The following RBFOX1 variants were observed in gnomAD, a reference collection of about 807,000 sequenced individuals.
The protein encoded by RBFOX1 is RNA binding protein fox-1 homolog 1.
Under a neutral mutation model 57.7 loss-of-function variants are expected in RBFOX1, and 8 were observed. The observed-to-expected ratio is 0.14, with a 90% CI of 0.08 to 0.25. The LOEUF (loss-of-function observed/expected upper bound fraction) is 0.25, where lower values mean the gene tolerates loss of function less well. Among genes scored for constraint, RBFOX1 ranks in the 10% least tolerant of loss-of-function variants. The pLI is 1.00. For synonymous variants in RBFOX1, 326 were observed against 222.4 expected (o/e 1.47, Z -4.15); for missense variants, 611 against 548.5 (o/e 1.11, Z -1.14).
At chr16:6,799,344 A>G (rs1396245875) in intron 3 of RBFOX1, among the ~76,000 whole-genome samples, 1 of 152,144 alleles carries the variant, frequency 6.6e-6, no homozygotes, top group Non-Finnish European at 1.5e-5. Context: ...TTGGTGCAAA[A>G]GTAATGGCAG....
At chr16:6,951,161 C>T (rs947562635) in intron 3 of RBFOX1, among the ~76,000 whole-genome samples, 2 of 152,142 alleles carry the variant, frequency 1.3e-5, no homozygotes, top group Non-Finnish European at 2.9e-5. Flanking sequence ...CCAGCATCAG[C>T]TTCCCAAAGT....
At chr16:6,315,696 A>C (rs1313715800) in intron 1 of RBFOX1, among the ~76,000 whole-genome samples, 2 of 152,202 alleles carry the variant, frequency 1.3e-5, no homozygotes, top group Admixed American at 6.5e-5. Context: ...TCAAAATGCA[A>C]AGCAAAAGGC....
At chr16:7,554,740 ACT>A (rs886347074) in intron 5 of RBFOX1, among the ~76,000 whole-genome samples, 6 of 151,810 alleles carry the variant, frequency 4.0e-5, no homozygotes, top group African/African-American at 1.5e-4. Flanking sequence ...AGTGCTGTGC[ACT>A]CTTTTTTTCT....
chr16:6,196,746 A>G (rs937913234), intron 1 of RBFOX1, among the ~76,000 whole-genome samples: 1 of 151,888 alleles, frequency 6.6e-6, no homozygotes, highest in East Asian at 1.9e-4. Flanking sequence ...TACAAGCGAT[A>G]TAAATGGGGC....
chr16:6,905,755 G>C (rs1325629370), intron 3 of RBFOX1, among the ~76,000 whole-genome samples: 1 of 152,186 alleles, frequency 6.6e-6, no homozygotes, highest in African/African-American at 2.4e-5. Context: ...GCATGCCATG[G>C]ATGGAAATGG....
At chr16:6,587,441 C>A (rs1270925616) in intron 2 of RBFOX1, among the ~76,000 whole-genome samples, 1 of 152,090 alleles carries the variant, frequency 6.6e-6, no homozygotes, top group Non-Finnish European at 1.5e-5. Flanking sequence ...ACCACCATGC[C>A]TGGCTAATTT....
At position 6,769,187 on chromosome 16, in the gene RBFOX1, C is replaced by G. The variant is rs370691525; in HGVS notation, c.-16+114537C>G. 2.0e-5 allele frequency among the ~76,000 whole-genome samples: 3 copies of G among 152,184 alleles called. No individual in the cohort carries two copies. The East Asian group carries it at 5.8e-4, about 29-fold the overall frequency. On this transcript the variant is annotated intron_variant, in intron 3 of 15. Coordinates refer to ENST00000550418, the MANE Select transcript of RBFOX1 (RefSeq NM_018723.4). ...GCTGTTCTCATGATAGTGCATAAGC[C>G]TCATGAGATCCGATGGTTTTATAAA...
At chr16:7,398,432 C>G (rs565800286) in intron 4 of RBFOX1, among the ~76,000 whole-genome samples, 1 of 152,256 alleles carries the variant, frequency 6.6e-6, no homozygotes, top group African/African-American at 2.4e-5. Flanking sequence ...TAAAGAATCT[C>G]AATATATGGT....
At chr16:6,713,087 C>T (rs183855529) in intron 3 of RBFOX1, among the ~76,000 whole-genome samples, 3 of 151,898 alleles carry the variant, frequency 2.0e-5, no homozygotes, top group African/African-American at 7.3e-5. Context: ...GTCTATTAAA[C>T]CTCCTTTCCT....
At chr16:7,534,233 C>A (rs1238005734) in intron 5 of RBFOX1, among the ~76,000 whole-genome samples, 1 of 151,648 alleles carries the variant, frequency 6.6e-6, no homozygotes, top group East Asian at 1.9e-4. Context: ...ATTACAGGCA[C>A]CCATCACCAC....
intron 3 of RBFOX1, among the ~76,000 whole-genome samples, chr16:5,744,389 G>A (rs568349105): frequency 4.6e-5 from 7 of 152,188 alleles, no homozygotes; most frequent in Admixed American, 2.6e-4. Context: ...TGAAATCAGG[G>A]ACAAAGTAAC....
rs555522470 is a variant in RBFOX1 at position 5,847,347 on chromosome 16, C to T, written c.319-19956C>T. ...ATAAGAACTTCTTAGCCTCAGTTTC[C>T]TTATCTGAAAAAAAAAATGGGGGTG... is the stretch of plus-strand genomic sequence containing the variant. On this transcript the variant is annotated intron_variant, in intron 3 of 19. Transcript: ENST00000641259. Among the ~76,000 whole-genome samples, 10 of 143,586 alleles carry T rather than the reference C, an allele frequency of 7.0e-5. No homozygotes were observed. The East Asian group carries it at 2.0e-3, about 29-fold the overall frequency. 94.2% of individuals were successfully genotyped at this position (143,586 alleles called of 152,430 possible).
chr16:7,104,860 C>G (rs1445137817), intron 4 of RBFOX1, among the ~76,000 whole-genome samples: 1 of 152,108 alleles, frequency 6.6e-6, no homozygotes, highest in Non-Finnish European at 1.5e-5. Context: ...CACTGGTGTA[C>G]AAAACAGAAA....
At chr16:6,677,092 A>T (rs1038475865) in intron 3 of RBFOX1, among the ~76,000 whole-genome samples, 6 of 152,264 alleles carry the variant, frequency 3.9e-5, no homozygotes, top group Non-Finnish European at 8.8e-5. Flanking sequence ...TACAAGCATG[A>T]TTCATTTAAT....
chr16:5,512,219 C>T (rs2043620256), intron 2 of RBFOX1, among the ~76,000 whole-genome samples: 1 of 152,156 alleles, frequency 6.6e-6, no homozygotes, highest in African/African-American at 2.4e-5. Flanking sequence ...GAGAGGCACA[C>T]AGTGCAGCTG....
chr16:7,605,481 A>G (rs1008881650), intron 9 of RBFOX1, among the ~76,000 whole-genome samples: 55 of 152,312 alleles, frequency 3.6e-4, no homozygotes, highest in African/African-American at 1.3e-3. Context: ...CGGGGGCTGT[A>G]AACCACCTAG....
At chr16:6,455,009 A>G (rs1567314175) in intron 2 of RBFOX1, among the ~76,000 whole-genome samples, 1 of 148,820 alleles carries the variant, frequency 6.7e-6, no homozygotes, top group African/African-American at 2.5e-5. Context: ...CAGCCTCCCA[A>G]GTAGCTGGGA....
In RBFOX1 at chr16:5,535,815, G is replaced by A. The variant is rs556984871; in HGVS notation, c.259-63087G>A. Among the ~76,000 whole-genome samples, 11 of 152,242 alleles carry A rather than the reference G, an allele frequency of 7.2e-5. No homozygotes were observed. The South Asian group carries it at 8.3e-4, about 11-fold the overall frequency. Reference sequence around the variant, plus strand: ...TATGTCACCAGGTTTCACCACATTCGACAAAAGACTTGTCGACAGACATTT... The same window carrying A: ...TATGTCACCAGGTTTCACCACATTCAACAAAAGACTTGTCGACAGACATTT... On this transcript the variant is annotated intron_variant, in intron 2 of 2. Coordinates refer to the RBFOX1 transcript ENST00000585867.
Position 6,444,551 on chromosome 16 carries a change from G to A in RBFOX1, c.-64+127494G>A, listed in dbSNP as rs571031394. ...TCTCTCTTTGCCTGCTGCCATCCAT[G>A]TAAGACGTGACTTATTCCTCTTTGC... On this transcript the variant is annotated intron_variant, in intron 2 of 15. Transcript: ENST00000550418. 3.9e-4 allele frequency among the ~76,000 whole-genome samples: 59 copies of A among 152,290 alleles called. 1 individual carries two copies. Among genetic ancestry groups the A allele is most frequent in the Middle Eastern group, 6.8e-3 (2 of 294 alleles).
Sources: gnomAD v4.1 joint callset for allele counts (sites outside exome capture counted in the v4.1 genomes callset) on GRCh38, gnomAD v4.1.1 for gene constraint, MANE v1.5 for transcripts, NCBI Gene and HGNC (gene_info 2026-07-23, HGNC 2026-07-21) for gene names.